NEK10: variants seen among roughly 807,000 people sequenced by gnomAD.
NEK10 encodes the protein serine/threonine-protein kinase Nek10.
In NEK10, 122 loss-of-function variants were observed where a neutral mutation model predicts 159.8. The observed-to-expected ratio is 0.76, with a 90% confidence interval of 0.66 to 0.89. The LOEUF (loss-of-function observed/expected upper bound fraction) is 0.89, where lower values mean the gene tolerates loss of function less well. Ranked by LOEUF, NEK10 falls within the 40% of genes least tolerant of loss-of-function variation. The pLI is 0.00. For missense variants in NEK10, 1,342 were observed against 1,323.1 expected (o/e 1.01, Z -0.22); for synonymous variants, 466 against 457.1 (o/e 1.02, Z -0.25).
At chr3:27,131,130 A>T (rs1378946550) in intron 32 of NEK10, among the ~76,000 whole-genome samples, 3 of 152,212 alleles carry the variant, frequency 2.0e-5, no homozygotes, top group East Asian at 3.8e-4. Flanking sequence ...TGGCAGCATG[A>T]CTATGCTACC....
chr3:27,174,518 A>C lies in NEK10; in HGVS notation c.2697T>G (p.Tyr899Ter). The change falls in exon 28 of 36, where the codon TAT becomes TAG. Residue 899 changes from tyrosine to a stop codon, truncating the protein, a stop_gained. Transcript: ENST00000691995. LOFTEE classifies it high-confidence loss of function. ...TGTCCAATTCATCATCTACCTCTGAATATGTATCTGCACATTAATAAAAAC... is the reference window on the plus strand; with the variant it reads ...TGTCCAATTCATCATCTACCTCTGACTATGTATCTGCACATTAATAAAAAC... The part of the protein sequence containing the change: ...FNLENAEKDT[Y>*]SEVDDELDIS... The C allele has an allele frequency of 6.2e-7, 1 of 1,611,508 alleles. No homozygotes were observed. The highest frequency in any genetic ancestry group is 8.5e-7 in the Non-Finnish European group (1 of 1,179,424).
chr3:27,229,542 A>G (rs1953006923), intron 23 of NEK10, among the ~76,000 whole-genome samples: 2 of 152,194 alleles, frequency 1.3e-5, no homozygotes, highest in Non-Finnish European at 2.9e-5. Flanking sequence ...AATGCTAGAT[A>G]AAGAATTCAG....
chr3:27,111,397 G>A (rs1264356152), intron 35 of NEK10, 77 bp from the exon 36 acceptor site: 2 of 1,095,022 alleles, frequency 1.8e-6, no homozygotes, highest in South Asian at 1.6e-5. Flanking sequence ...CAAAAACTGG[G>A]GCTCAGGCAT....
At chr3:27,237,563 C>A in intron 23 of NEK10, among the ~76,000 whole-genome samples, 1 of 152,064 alleles carries the variant, frequency 6.6e-6, no homozygotes, top group East Asian at 1.9e-4. Flanking sequence ...CTTCCCACAA[C>A]ATCATATGTT....
intron 30 of NEK10, among the ~76,000 whole-genome samples, chr3:27,144,660 T>C (rs1944121520): frequency 6.6e-6 from 1 of 152,184 alleles, no homozygotes. Context: ...CTTGTATCCA[T>C]AGTTCTTTGT....
At chr3:27,281,264 G>A (rs2042139955) in intron 22 of NEK10, among the ~76,000 whole-genome samples, 1 of 151,962 alleles carries the variant, frequency 6.6e-6, no homozygotes, top group Non-Finnish European at 1.5e-5. Context: ...AGAGAGAGCA[G>A]AGGGGAGAAA....
intron 5 of NEK10, among the ~76,000 whole-genome samples, chr3:27,328,278 A>G (rs986222145): frequency 6.6e-6 from 1 of 152,236 alleles, no homozygotes; most frequent in Non-Finnish European, 1.5e-5. Flanking sequence ...ACTTGTACTC[A>G]TGGAGCTTAC....
intron 5 of NEK10, among the ~76,000 whole-genome samples, chr3:27,339,871 A>C (rs1181156770): frequency 6.6e-6 from 1 of 151,938 alleles, no homozygotes; most frequent in East Asian, 1.9e-4. Flanking sequence ...GATGCTGGCG[A>C]GGTTGTGGAG....
At chr3:27,186,112 G>A (rs988665922) in intron 26 of NEK10, among the ~76,000 whole-genome samples, 1 of 152,230 alleles carries the variant, frequency 6.6e-6, no homozygotes, top group African/African-American at 2.4e-5. Context: ...TGTTAGACAT[G>A]CAGGTGAATG....
chr3:27,318,268 G>GT (rs1210134382), intron 6 of NEK10, among the ~76,000 whole-genome samples: 2 of 152,152 alleles, frequency 1.3e-5, no homozygotes, highest in African/African-American at 2.4e-5. Context: ...GTTTTCTACC[G>GT]TAAGTCTGAC....
chr3:27,284,706 T>C lies in NEK10; in HGVS notation c.1912-2A>G, dbSNP rs142592175. 1.2e-6 allele frequency: 2 copies of C among 1,600,942 alleles called. No homozygotes were observed. Among genetic ancestry groups the C allele is most frequent in the African/African-American group, 1.3e-5 (1 of 74,776 alleles). On this transcript the variant is annotated splice_acceptor_variant, in intron 21 of 35. Coordinates refer to ENST00000691995, the MANE Select transcript of NEK10 (RefSeq NM_001394966.1). LOFTEE classifies it high-confidence loss of function. ...TAAGTATCGAAGAGCTAAGCACAGC[T>C]TGAAACAATGAATAGAAAACAAATT...
intron 23 of NEK10, among the ~76,000 whole-genome samples, chr3:27,233,770 G>A (rs993523405): frequency 5.0e-4 from 76 of 152,012 alleles, no homozygotes; most frequent in Admixed American, 4.9e-3. Flanking sequence ...CCCATTCTAT[G>A]AGGCCAGCAA....
chr3:27,322,069 G>T, intron 6 of NEK10, 108 bp downstream of exon 6: 1 of 622,448 alleles, frequency 1.6e-6, no homozygotes, highest in Non-Finnish European at 2.9e-6. Context: ...ATTGAGTTGT[G>T]AGAGAGAAAA....
chr3:27,229,820 TA>T (rs1440128372), intron 23 of NEK10, among the ~76,000 whole-genome samples: 1 of 151,678 alleles, frequency 6.6e-6, no homozygotes, highest in Non-Finnish European at 1.5e-5. Context: ...CAGTCAAAGA[TA>T]AAGAAAAAAG....
At chr3:27,168,634 T>G (rs1381323433) in intron 29 of NEK10, among the ~76,000 whole-genome samples, 1 of 152,224 alleles carries the variant, frequency 6.6e-6, no homozygotes, top group Non-Finnish European at 1.5e-5. Context: ...AAGTCGGCCC[T>G]TGTCTTCCCA....
chr3:27,210,722 C>G (rs1441961474), intron 23 of NEK10, among the ~76,000 whole-genome samples: 1 of 152,178 alleles, frequency 6.6e-6, no homozygotes, highest in African/African-American at 2.4e-5. Context: ...TTTCTCCTAT[C>G]AATCTGTCTA....
chr3:27,170,856 T>A (rs191562474), intron 29 of NEK10, among the ~76,000 whole-genome samples: 1 of 152,320 alleles, frequency 6.6e-6, no homozygotes, highest in Non-Finnish European at 1.5e-5. Flanking sequence ...GCCACTCATC[T>A]TTTCCAGGCC....
rs1949166776 is a variant in NEK10, at chr3:27,192,076, T to C, written c.2458A>G (p.Asn820Asp). 1.9e-6 allele frequency: 3 copies of C among 1,614,134 alleles called. No homozygotes were observed. The highest frequency in any genetic ancestry group is 2.2e-5 in the South Asian group (2 of 91,094). The change falls in exon 26 of 36, where the codon AAC (asparagine) becomes GAC (aspartate). Residue 820 changes from asparagine to aspartate, a missense_variant. By Grantham distance (23) the Asn-to-Asp change is conservative. Coordinates refer to ENST00000691995, the MANE Select transcript of NEK10 (RefSeq NM_001394966.1). Reference protein sequence around the residue: ...RRTQRYFMEANRNTVTCHHEL... With the variant: ...RRTQRYFMEADRNTVTCHHEL... ...TGGTGACATGTGACGGTGTTCCGGTTGGCTTCCATAAAATACCTTTGTGTG... is the reference window on the plus strand; with the variant it reads ...TGGTGACATGTGACGGTGTTCCGGTCGGCTTCCATAAAATACCTTTGTGTG...
At chr3:27,358,970 C>T (rs763114106) in intron 1 of NEK10, among the ~76,000 whole-genome samples, 55 of 152,154 alleles carry the variant, frequency 3.6e-4, no homozygotes, top group Non-Finnish European at 7.1e-4. Flanking sequence ...TTTGGGAGGC[C>T]AAGGCAGGCA....
Sources: gnomAD v4.1 joint callset for allele counts (sites outside exome capture counted in the v4.1 genomes callset) on GRCh38, gnomAD v4.1.1 for gene constraint, MANE v1.5 for transcripts, NCBI Gene and HGNC (gene_info 2026-07-23, HGNC 2026-07-21) for gene names.